The following CNTNAP2 variants were observed in gnomAD, a reference collection of about 807,000 sequenced individuals.
CNTNAP2 encodes the protein contactin associated protein 2.
In CNTNAP2, 98 loss-of-function variants were observed where a neutral mutation model predicts 155.2. The observed-to-expected ratio is 0.63, with a 90% CI of 0.54 to 0.75. The LOEUF is 0.75. Among genes scored for constraint, CNTNAP2 ranks in the 30% least tolerant of loss-of-function variants. CNTNAP2 has a pLI of 0.00. For missense variants in CNTNAP2, 1,727 were observed against 1,688.1 expected, an observed-to-expected ratio of 1.02 and a Z score of -0.40; for synonymous variants, 651 against 631.2, an observed-to-expected ratio of 1.03 and a Z score of -0.47.
chr7:148,066,251 A>T (rs1585107185), intron 15 of CNTNAP2, among the ~76,000 whole-genome samples: 1 of 152,262 alleles, frequency 6.6e-6, no homozygotes, highest in East Asian at 1.9e-4. Flanking sequence ...TAACCTAATG[A>T]CTATGTGCTA....
intron 3 of CNTNAP2, among the ~76,000 whole-genome samples, chr7:146,962,137 C>T (rs937900832): frequency 6.6e-6 from 1 of 152,080 alleles, no homozygotes; most frequent in East Asian, 1.9e-4. Context: ...TTGATCTTTA[C>T]TGTTGTGAGA....
intron 18 of CNTNAP2, among the ~76,000 whole-genome samples, 180 bp from the exon 19 acceptor site, chr7:148,217,108 C>CTTTTTTTTTTTTTTTTTT (rs11384134): frequency 6.9e-6 from 1 of 144,216 alleles, no homozygotes; most frequent in African/African-American, 2.5e-5. Context: ...CTGTTACATG[C>CTTTTTTTTTTTTTTTTTT]TTTTTTTTTT....
chr7:148,303,896 G>A (rs140434485), intron 21 of CNTNAP2, among the ~76,000 whole-genome samples: 1 of 152,224 alleles, frequency 6.6e-6, no homozygotes, highest in Non-Finnish European at 1.5e-5. Flanking sequence ...TGGGTGGAAT[G>A]TGAGTCTCCA....
chr7:148,062,134 A>G (rs936894766), intron 15 of CNTNAP2, among the ~76,000 whole-genome samples: 1 of 151,530 alleles, frequency 6.6e-6, no homozygotes, highest in Non-Finnish European at 1.5e-5. Context: ...AATTAGTTTA[A>G]AAAGAAGCTA....
intron 22 of CNTNAP2, among the ~76,000 whole-genome samples, chr7:148,394,376 T>G (rs1196802460): frequency 6.6e-6 from 1 of 152,202 alleles, no homozygotes; most frequent in Non-Finnish European, 1.5e-5. Context: ...CCTTGTGACA[T>G]GGGAGCAAAC....
chr7:148,413,440 A>G (rs1262786211), intron 23 of CNTNAP2, among the ~76,000 whole-genome samples: 1 of 109,992 alleles, frequency 9.1e-6, no homozygotes, highest in African/African-American at 3.8e-5. Context: ...ATATATATAT[A>G]TATATATTGC....
intron 12 of CNTNAP2, among the ~76,000 whole-genome samples, chr7:147,633,643 A>C (rs1217118215): frequency 6.6e-6 from 1 of 152,076 alleles, no homozygotes; most frequent in Non-Finnish European, 1.5e-5. Flanking sequence ...AGTTAATTGA[A>C]TCATGGAGGC....
At chr7:148,142,093 C>CTCTGTGTGTG (rs1554476721) in intron 16 of CNTNAP2, among the ~76,000 whole-genome samples, 15 of 136,412 alleles carry the variant, frequency 1.1e-4, no homozygotes, top group East Asian at 4.4e-4. Context: ...AGATATGTCT[C>CTCTGTGTGTG]TGTGTGTGTG....
At chr7:147,304,905 G>A (rs1271598015) in intron 9 of CNTNAP2, among the ~76,000 whole-genome samples, 2 of 152,134 alleles carry the variant, frequency 1.3e-5, no homozygotes, top group South Asian at 2.1e-4. Context: ...CGTCTGCTGA[G>A]GGCACATAAT....
At chr7:146,770,306 A>G (rs111430275) in intron 1 of CNTNAP2, among the ~76,000 whole-genome samples, 10 of 139,442 alleles carry the variant, frequency 7.2e-5, no homozygotes, top group South Asian at 2.3e-4. Context: ...ATATATATAT[A>G]TGTGTGTGTA....
intron 3 of CNTNAP2, among the ~76,000 whole-genome samples, chr7:146,942,027 T>A (rs966839929): frequency 1.3e-5 from 2 of 152,098 alleles, no homozygotes; most frequent in African/African-American, 4.8e-5. Context: ...TACCTGGATA[T>A]TTTTATCTTT....
chr7:147,083,835 T>C (rs1173465155), intron 4 of CNTNAP2, among the ~76,000 whole-genome samples: 2 of 141,644 alleles, frequency 1.4e-5, no homozygotes, highest in African/African-American at 5.1e-5. Flanking sequence ...TATACACATG[T>C]ATGTACATAT....
chr7:146,743,718 C>A (rs976624961), intron 1 of CNTNAP2, among the ~76,000 whole-genome samples: 13 of 152,214 alleles, frequency 8.5e-5, no homozygotes, highest in East Asian at 7.8e-4. Flanking sequence ...AATGCCCTTG[C>A]AGTAGACCTG....
intron 13 of CNTNAP2, among the ~76,000 whole-genome samples, chr7:147,896,225 T>G (rs756844256): frequency 6.6e-6 from 1 of 152,240 alleles, no homozygotes; most frequent in East Asian, 1.9e-4. Flanking sequence ...CATCCTGTTG[T>G]GTAATAAGAG....
chr7:148,197,149 A>G (rs1795291342), intron 18 of CNTNAP2, among the ~76,000 whole-genome samples: 1 of 152,196 alleles, frequency 6.6e-6, no homozygotes, highest in South Asian at 2.1e-4. Flanking sequence ...CCTACTATAA[A>G]TTTACTTCAA....
rs1799969432 is a variant in CNTNAP2, at chr7:148,415,664, GGAGA to G, written c.*51_*54del. 1.2e-6 allele frequency: 2 copies of G among 1,607,862 alleles called. No individual in the cohort carries two copies. Among genetic ancestry groups the G allele is most frequent in the East Asian group, 2.2e-5 (1 of 44,858 alleles). On this transcript the variant is annotated 3_prime_UTR_variant, in exon 24 of 24. Transcript: ENST00000361727. ...ATAGGGAGGAGGGAATTACTAGGGA[GGAGA>G]GAAAGGGACAAAAGCACCCTGCTTC... is the stretch of plus-strand genomic sequence containing the variant.
At chr7:147,313,067 G>T (rs1795154859) in intron 9 of CNTNAP2, among the ~76,000 whole-genome samples, 1 of 126,034 alleles carries the variant, frequency 7.9e-6, no homozygotes, top group Non-Finnish European at 1.6e-5. Flanking sequence ...CTTCTTTTGA[G>T]AAGTGTCTGT....
chr7:148,333,595 A>G (rs1037817531), intron 21 of CNTNAP2, among the ~76,000 whole-genome samples: 6 of 152,228 alleles, frequency 3.9e-5, no homozygotes, highest in African/African-American at 1.4e-4. Flanking sequence ...AACCTCACAC[A>G]GTATCAGCTA....
intron 3 of CNTNAP2, among the ~76,000 whole-genome samples, chr7:146,968,378 A>T (rs1448618345): frequency 6.6e-6 from 1 of 151,130 alleles, no homozygotes; most frequent in African/African-American, 2.4e-5. Flanking sequence ...TAGTTTCAGA[A>T]GGAATGGTAC....
Sources: allele counts gnomAD v4.1 joint callset (sites outside exome capture counted in the v4.1 genomes callset), GRCh38; gene constraint gnomAD v4.1.1; transcripts MANE v1.5; gene names NCBI Gene and HGNC (gene_info 2026-07-23, HGNC 2026-07-21).